CHSY1: variants seen among roughly 807,000 people sequenced by gnomAD.
CHSY1 encodes the protein N-acetylgalactosaminyl-proteoglycan 3-beta-glucuronosyltransferase 1.
A neutral mutation model predicts 59.8 loss-of-function variants in CHSY1; 13 were observed. The ratio of observed to expected loss-of-function variants is 0.22; its 90% CI spans 0.14 to 0.35. CHSY1 has a LOEUF of 0.35. CHSY1 is among the 10% of genes least tolerant of loss of function. The pLI, the probability that CHSY1 is intolerant of heterozygous loss-of-function variation, is 1.00. For synonymous variants in CHSY1, 459 were observed against 401.2 expected, an observed-to-expected ratio of 1.14 and a Z score of -1.72; for missense variants, 947 against 1,030.6, an observed-to-expected ratio of 0.92 and a Z score of 1.11.
intron 2 of CHSY1, among the ~76,000 whole-genome samples, chr15:101,208,405 TA>T (rs36074452): frequency 0.086 from 13,121 of 152,072 alleles, 679 homozygotes; most frequent in East Asian, 0.2. Flanking sequence ...CAAACAGTTA[TA>T]GGGGCATATC....
At chr15:101,202,809 G>A (rs900026807) in intron 2 of CHSY1, among the ~76,000 whole-genome samples, 2 of 152,106 alleles carry the variant, frequency 1.3e-5, no homozygotes, top group Admixed American at 6.5e-5. Context: ...TATAAAATGA[G>A]GACTAATAAC....
At chr15:101,212,074 T>A (rs2038687773) in intron 2 of CHSY1, among the ~76,000 whole-genome samples, 1 of 152,090 alleles carries the variant, frequency 6.6e-6, no homozygotes, top group African/African-American at 2.4e-5. Context: ...GTATCACTAG[T>A]CATAGGGAAA....
chr15:101,184,468 C>A (rs1262343816), intron 2 of CHSY1, among the ~76,000 whole-genome samples: 18 of 151,766 alleles, frequency 1.2e-4, no homozygotes, highest in Admixed American at 1.1e-3. Flanking sequence ...GCAACCTCCA[C>A]CTCCCAGGGA....
At chr15:101,232,657 G>A (rs1346507584) in intron 2 of CHSY1, among the ~76,000 whole-genome samples, 6 of 152,164 alleles carry the variant, frequency 3.9e-5, no homozygotes, top group South Asian at 2.1e-4. Flanking sequence ...CACAATTTGC[G>A]TACAATAAAA....
intron 2 of CHSY1, among the ~76,000 whole-genome samples, chr15:101,219,695 A>C (rs1228874936): frequency 2.0e-5 from 3 of 152,176 alleles, no homozygotes; most frequent in Non-Finnish European, 4.4e-5. Context: ...CTCGTACACC[A>C]GTCATCAGCA....
intron 2 of CHSY1, among the ~76,000 whole-genome samples, chr15:101,205,442 T>C (rs1157295763): frequency 2.0e-5 from 3 of 152,210 alleles, no homozygotes; most frequent in East Asian, 1.9e-4. Context: ...TCAATTGACA[T>C]AGACTCCACA....
At chr15:101,237,484 T>C (rs984719522) in intron 1 of CHSY1, among the ~76,000 whole-genome samples, 4 of 152,038 alleles carry the variant, frequency 2.6e-5, no homozygotes, top group African/African-American at 7.3e-5. Flanking sequence ...CGGTTGCCCA[T>C]CAACAGAGGG....
In CHSY1 at chr15:101,177,411, T is replaced by A; in HGVS notation, c.2386A>T (p.Asn796Tyr). 1 of 1,613,144 alleles carries A rather than the reference T, an allele frequency of 6.2e-7. No homozygotes were observed. Among genetic ancestry groups the A allele is most frequent in the Non-Finnish European group, 8.5e-7 (1 of 1,179,716 alleles). ...CATTAGGCTGTCCTCACTGAGCCAT[T>A]ATTATTGCTGCTTTTACTGTAACTT... ...DPSYSKSSNNNGSVRTA is the reference protein window; with the variant it reads ...DPSYSKSSNNYGSVRTA Residue 796 changes from asparagine (N) to tyrosine (Y), a missense_variant, in exon 3 of 3, where the codon AAT (asparagine) becomes TAT (tyrosine). Around this residue, in one of 4 missense-constraint regions of CHSY1, gnomAD observed 602 missense variants for 676.9 expected, o/e 0.89. Coordinates refer to ENST00000254190, the MANE Select transcript of CHSY1 (RefSeq NM_014918.5).
rs74040399 is a variant in CHSY1, at chr15:101,235,168, G to A, written c.730C>T (p.Arg244Trp). The A allele has an allele frequency of 9.5e-5, 153 of 1,614,058 alleles. No individual in the cohort carries two copies. Among genetic ancestry groups the A allele is most frequent in the African/African-American group, 2.8e-4 (21 of 74,992 alleles). Residue 244 changes from arginine (R) to tryptophan (W), a missense_variant, in exon 2 of 3, where the codon CGG becomes TGG. This residue lies in a region of CHSY1 where 108 missense variants were observed against 144.4 expected (regional missense o/e 0.75). Coordinates refer to ENST00000254190, the MANE Select transcript of CHSY1 (RefSeq NM_014918.5). ...TCCTCATGGGTGGTGTACATCTCCC[G>A]GAGACACTTGCCAATGTGCGGCACC... is the stretch of plus-strand genomic sequence containing the variant. ...RMVPHIGKCL[R>W]EMYTTHEDVE...
intron 2 of CHSY1, among the ~76,000 whole-genome samples, chr15:101,232,901 C>T (rs2038905266): frequency 6.6e-6 from 1 of 152,200 alleles, no homozygotes; most frequent in Non-Finnish European, 1.5e-5. Context: ...GCTCTGACAC[C>T]ACAGGGCATT....
intron 2 of CHSY1, among the ~76,000 whole-genome samples, chr15:101,215,315 C>CT (rs1463787367): frequency 6.6e-6 from 1 of 152,058 alleles, no homozygotes; most frequent in East Asian, 1.9e-4. Context: ...CAGTATGAGC[C>CT]TACATCATCA....
chr15:101,185,161 C>T (rs765293436), intron 2 of CHSY1, among the ~76,000 whole-genome samples: 1 of 152,124 alleles, frequency 6.6e-6, no homozygotes, highest in Non-Finnish European at 1.5e-5. Context: ...TTACCCTCAG[C>T]GTGTGGAATG....
At chr15:101,230,162 G>C (rs1294968192) in intron 2 of CHSY1, among the ~76,000 whole-genome samples, 1 of 151,990 alleles carries the variant, frequency 6.6e-6, no homozygotes, top group African/African-American at 2.4e-5. Context: ...GGCTGGTCTT[G>C]AACTCCTGAC....
chr15:101,225,030 C>G (rs1163826857), intron 2 of CHSY1, among the ~76,000 whole-genome samples: 1 of 152,210 alleles, frequency 6.6e-6, no homozygotes, highest in Admixed American at 6.5e-5. Flanking sequence ...AGAGTGCCTC[C>G]CACCGCTCCC....
chr15:101,233,693 A>C (rs1487894005), intron 2 of CHSY1, among the ~76,000 whole-genome samples: 1 of 152,226 alleles, frequency 6.6e-6, no homozygotes. Context: ...TCAAGATCAC[A>C]TTTAGGATTT....
At chr15:101,226,406 A>C (rs1470691125) in intron 2 of CHSY1, among the ~76,000 whole-genome samples, 1 of 152,154 alleles carries the variant, frequency 6.6e-6, no homozygotes, top group Non-Finnish European at 1.5e-5. Context: ...TCTTTAAGGA[A>C]ATTAAGGTTC....
intron 1 of CHSY1, 136 bp downstream of exon 1, chr15:101,251,001 G>A (rs1290423121): frequency 4.8e-6 from 4 of 825,074 alleles, no homozygotes; most frequent in South Asian, 3.0e-5. Context: ...GGCGTCTCCC[G>A]AGAGGCAACC....
At position 101,177,962 on chromosome 15, in the gene CHSY1, A is replaced by AG; in HGVS notation, c.1834dup (p.Leu612ProfsTer11). 6.2e-7 allele frequency: 1 copy of AG among 1,614,226 alleles called. No individual in the cohort carries two copies. Among genetic ancestry groups the AG allele is most frequent in the Non-Finnish European group, 8.5e-7 (1 of 1,180,022 alleles). On this transcript the variant is annotated frameshift_variant, in exon 3 of 3. Coordinates refer to ENST00000254190, the MANE Select transcript of CHSY1 (RefSeq NM_014918.5). LOFTEE classifies it high-confidence loss of function. ...CTGGGAGGATCCTACTTCCAGGGCC[A>AG]GGGCTCTTGAAAACTCTCCAGACAC...
At chr15:101,195,903 CAT>C (rs1465954832) in intron 2 of CHSY1, among the ~76,000 whole-genome samples, 1 of 150,768 alleles carries the variant, frequency 6.6e-6, no homozygotes, top group Non-Finnish European at 1.5e-5. Context: ...ATTCCAGATA[CAT>C]AGTGTCGACA....
Sources: allele counts gnomAD v4.1 joint callset (sites outside exome capture counted in the v4.1 genomes callset), GRCh38; gene constraint gnomAD v4.1.1; regional missense constraint gnomAD v4.1.1; transcripts MANE v1.5; gene names NCBI Gene and HGNC (gene_info 2026-07-23, HGNC 2026-07-21).